The following FADS1 variants were observed in gnomAD, a reference collection of about 807,000 sequenced individuals.
The protein encoded by FADS1 is acyl-CoA (8-3)-desaturase.
A neutral mutation model predicts 61.6 loss-of-function variants in FADS1; 17 were observed. The ratio of observed to expected loss-of-function variants is 0.28; its 90% CI spans 0.19 to 0.41. FADS1 has a LOEUF of 0.41. FADS1 is among the 10% of genes least tolerant of loss of function. The pLI is 1.00. For missense variants in FADS1, 387 were observed against 650.9 expected, an observed-to-expected ratio of 0.59 and a Z score of 4.41; for synonymous variants, 238 against 258.7, an observed-to-expected ratio of 0.92 and a Z score of 0.77.
chr11:61,816,569 C>T lies in FADS1; in HGVS notation c.361G>A (p.Gly121Arg). 6.2e-7 allele frequency: 1 copy of T among 1,607,328 alleles called. No homozygotes were observed. Among genetic ancestry groups the T allele is most frequent in the Non-Finnish European group, 8.5e-7 (1 of 1,177,712 alleles). The change falls in exon 1 of 12, where the codon GGG becomes AGG. Residue 121 changes from glycine (G) to arginine (R), a missense_variant. Physicochemically the swap from Gly to Arg is moderately radical, Grantham distance 125. This residue lies in a region of FADS1 where 257 missense variants were observed against 533.3 expected (regional missense o/e 0.48). Coordinates refer to ENST00000350997, the MANE Select transcript of FADS1 (RefSeq NM_013402.7). The surrounding 1 kb of genome is among the most constrained non-coding windows in gnomAD (Gnocchi z 7.0). ...GCTGCGCTCACCGTGGCATCCTGCC[C>T]GGCGTAGTGGCTGATGACCCGGGAG... is the stretch of plus-strand genomic sequence containing the variant. Reference protein sequence around the residue: ...GGSRVISHYAGQDATDPFVAF... With the variant: ...GGSRVISHYARQDATDPFVAF...
Position 61,816,556 on chromosome 11 carries a change from G to T in FADS1, c.374C>A (p.Thr125Lys). ...GTGCCCCCGCCTGGCTGCGCTCACC[G>T]TGGCATCCTGCCCGGCGTAGTGGCT... is the stretch of plus-strand genomic sequence containing the variant. ...VISHYAGQDA[T>K]DPFVAFHINK... is the part of the protein sequence containing the mutation. The change falls in exon 1 of 12, where the codon ACG becomes AAG. Residue 125 changes from threonine to lysine, a missense_variant and splice_region_variant. Thr to Lys is a moderately conservative substitution (Grantham distance 78). This residue lies in a region of FADS1 where 257 missense variants were observed against 533.3 expected (regional missense o/e 0.48). Transcript: ENST00000350997. This position sits in a 1 kb window ranked among gnomAD's most constrained non-coding sequence, Gnocchi z 7.0. 6.2e-7 allele frequency: 1 copy of T among 1,603,780 alleles called. No individual in the cohort carries two copies. The highest frequency in any genetic ancestry group is 8.5e-7 in the Non-Finnish European group (1 of 1,176,122).
At chr11:61,814,664 G>C (rs1326097078) in intron 1 of FADS1, 1 of 152,218 alleles carries the variant, frequency 6.6e-6, no homozygotes. Flanking sequence ...GCTGGCTGGG[G>C]TGGCCAGCTT....
intron 1 of FADS1, chr11:61,814,334 T>C (rs890416292): frequency 2.6e-5 from 4 of 152,366 alleles, no homozygotes; most frequent in African/African-American, 9.7e-5. Flanking sequence ...ATGGGAAGCA[T>C]TGGCTGAGGG....
Position 61,816,869 on chromosome 11 carries a change from T to A in FADS1, c.61A>T (p.Arg21Trp), listed in dbSNP as rs929374648. 3 of 1,478,100 alleles carry A rather than the reference T, an allele frequency of 2.0e-6. No homozygotes were observed. Among genetic ancestry groups the A allele is most frequent in the Non-Finnish European group, 2.7e-6 (3 of 1,125,230 alleles). The allele number at this position is 1,478,100 out of a possible 1,614,324, so 91.6% of individuals were successfully genotyped here. A position where few individuals can be genotyped will look rare whatever the true frequency, so the allele number is the denominator to read the frequency against. The stretch of plus-strand genomic sequence containing the variant: ...TGGCGCGCGCCCAGAGCCAGCCGCC[T>A]GCGCGCCGGGTTTTCAGCACCGCAG... ...LPCGAENPARRRLALGARQQI... is the reference protein window; with the variant it reads ...LPCGAENPARWRLALGARQQI... Residue 21 changes from arginine to tryptophan, a missense_variant, in exon 1 of 12, where the codon AGG becomes TGG. Arg to Trp is a moderately radical substitution (Grantham distance 101). This residue lies in a region of FADS1 where 130 missense variants were observed against 117.7 expected (regional missense o/e 1.10). Transcript: ENST00000350997. This position sits in a 1 kb window ranked among gnomAD's most constrained non-coding sequence, Gnocchi z 7.0.
At position 61,802,323 on chromosome 11, in the gene FADS1, A is replaced by C; in HGVS notation, c.*88T>G. 8.5e-7 allele frequency: 1 copy of C among 1,172,290 alleles called. No homozygotes were observed. The highest frequency in any genetic ancestry group is 1.2e-6 in the Non-Finnish European group (1 of 802,936). 72.6% of individuals were successfully genotyped at this position (1,172,290 alleles called of 1,614,324 possible). On this transcript the variant is annotated 3_prime_UTR_variant, in exon 12 of 12. Coordinates refer to ENST00000350997, the MANE Select transcript of FADS1 (RefSeq NM_013402.7). This position sits in a 1 kb window ranked among gnomAD's most constrained non-coding sequence, Gnocchi z 4.2. Reference sequence around the variant, plus strand: ...AAACCCAACCCCCTCTGAGTATTAAACTATAGTGGCATTGTCCCTCAAGCT... The same window carrying C: ...AAACCCAACCCCCTCTGAGTATTAACCTATAGTGGCATTGTCCCTCAAGCT...
At position 61,806,695 on chromosome 11, in the gene FADS1, C is replaced by T. The variant is rs1054304450; in HGVS notation, c.945G>A (p.Pro315=). 8 of 1,614,118 alleles carry T rather than the reference C, an allele frequency of 5.0e-6. No homozygotes were observed. The highest frequency in any genetic ancestry group is 2.7e-5 in the African/African-American group (2 of 75,046). ...ELGKQKKKYM[P]YNHQHKYFFL... is the part of the protein sequence containing the mutation. ...AGAAGTATTTGTGCTGGTGGTTGTA[C>T]GGCATATATTTTTTCTTCTGTTTCC... is the stretch of plus-strand genomic sequence containing the variant. Residue 315 remains proline (P), a synonymous_variant, in exon 6 of 12, where the codon CCG becomes CCA. Coordinates refer to ENST00000350997, the MANE Select transcript of FADS1 (RefSeq NM_013402.7).
At position 61,803,787 on chromosome 11, in the gene FADS1, G is replaced by C. The variant is rs765749390; in HGVS notation, c.1054-20C>G. 1.2e-5 allele frequency: 19 copies of C among 1,567,758 alleles called. No individual in the cohort carries two copies. The highest frequency in any genetic ancestry group is 1.7e-5 in the Non-Finnish European group (19 of 1,138,088). ...CAAGTCCTATAGTGAGAAAAGCAGC[G>C]AGCATAACAGTCACGAACAACTCTT... On this transcript the variant is annotated intron_variant, in intron 7 of 11. Transcript: ENST00000350997. The surrounding 1 kb of genome is among the most constrained non-coding windows in gnomAD (Gnocchi z 4.3).
chr11:61,807,263 T>G (rs953526870), intron 5 of FADS1, among the ~76,000 whole-genome samples: 7 of 152,180 alleles, frequency 4.6e-5, no homozygotes, highest in African/African-American at 1.7e-4. Flanking sequence ...AGATGGGGTT[T>G]CTCCATGTTG....
chr11:61,803,577 T>TG lies in FADS1; in HGVS notation c.1151+92dup. ...CCAAGCCAACTCCTGAAACACCCACTGTTACCCAAAGCCCCAGCACGGCCC... is the reference window on the plus strand; with the variant it reads ...CCAAGCCAACTCCTGAAACACCCACTGGTTACCCAAAGCCCCAGCACGGCCC... On this transcript the variant is annotated intron_variant, in intron 8 of 11. Coordinates refer to ENST00000350997, the MANE Select transcript of FADS1 (RefSeq NM_013402.7). This position sits in a 1 kb window ranked among gnomAD's most constrained non-coding sequence, Gnocchi z 4.3. The TG allele has an allele frequency of 1.5e-6, 2 of 1,363,474 alleles. No homozygotes were observed. The highest frequency in any genetic ancestry group is 2.3e-5 in the South Asian group (2 of 85,950). 84.5% of individuals were successfully genotyped at this position (1,363,474 alleles called of 1,614,324 possible).
In FADS1 at chr11:61,816,665, C is replaced by T. The variant is rs1416391743; in HGVS notation, c.265G>A (p.Glu89Lys). 1 of 1,597,610 alleles carries T rather than the reference C, an allele frequency of 6.3e-7. No homozygotes were observed. The highest frequency in any genetic ancestry group is 8.5e-7 in the Non-Finnish European group (1 of 1,172,944). ...CGGTCGATCACTAGCCACCGCTCCT[C>T]GCACCCTGAGCGCTGGGCCACCTCG... ...WDEVAQRSGC[E>K]ERWLVIDRKV... The change falls in exon 1 of 12, where the codon GAG becomes AAG. Residue 89 changes from glutamate to lysine, a missense_variant. Around this residue, in one of 2 missense-constraint regions of FADS1, gnomAD observed 257 missense variants for 533.3 expected, o/e 0.48. Coordinates refer to ENST00000350997, the MANE Select transcript of FADS1 (RefSeq NM_013402.7). The surrounding 1 kb of genome is among the most constrained non-coding windows in gnomAD (Gnocchi z 7.0).
chr11:61,804,889 C>T, intron 6 of FADS1, 128 bp from the exon 7 acceptor site: 1 of 778,122 alleles, frequency 1.3e-6, no homozygotes, highest in Non-Finnish European at 2.2e-6. Flanking sequence ...GTCTCCCCTC[C>T]AGGTGCTTGA....
intron 6 of FADS1, chr11:61,806,396 T>A: frequency 2.1e-6 from 1 of 467,868 alleles, no homozygotes; most frequent in Non-Finnish European, 3.9e-6. Flanking sequence ...AAGAGGCCCC[T>A]CTACACCCCA....
chr11:61,802,857 C>G lies in FADS1; in HGVS notation c.1398G>C (p.Lys466Asn). The G allele has an allele frequency of 3.1e-6, 5 of 1,614,222 alleles. No individual in the cohort carries two copies. The highest frequency in any genetic ancestry group is 4.2e-6 in the Non-Finnish European group (5 of 1,180,034). The stretch of plus-strand genomic sequence containing the variant: ...GCTTGGACTGGTACTCTATGCCATG[C>G]TTGGCACACAAGGACTGCACCAGGG... The part of the protein sequence containing the change: ...VAPLVQSLCA[K>N]HGIEYQSKPL... Residue 466 changes from lysine (K) to asparagine (N), a missense_variant, in exon 11 of 12, where the codon AAG becomes AAC. Physicochemically the swap from Lys to Asn is moderately conservative, Grantham distance 94. This residue lies in a region of FADS1 where 257 missense variants were observed against 533.3 expected (regional missense o/e 0.48). Coordinates refer to ENST00000350997, the MANE Select transcript of FADS1 (RefSeq NM_013402.7). The surrounding 1 kb of genome is among the most constrained non-coding windows in gnomAD (Gnocchi z 4.2).
Position 61,813,277 on chromosome 11 carries a change from G to T in FADS1, c.452C>A (p.Ser151Tyr), listed in dbSNP as rs760145498. The change falls in exon 2 of 12, where the codon TCT becomes TAT. Residue 151 changes from serine (S) to tyrosine (Y), a missense_variant. By Grantham distance (144) the Ser-to-Tyr change is moderately radical. Transcript: ENST00000350997. ...GGGCTCAAAGCTGGGCTGCTCTGGA[G>T]ACAGTTCTCCAATCAGGAGAGAGTT... ...YMNSLLIGELSPEQPSFEPTK... is the reference protein window; with the variant it reads ...YMNSLLIGELYPEQPSFEPTK... The T allele has an allele frequency of 1.9e-6, 3 of 1,613,064 alleles. No individual in the cohort carries two copies. The South Asian group carries it at 3.3e-5, about 18-fold the overall frequency.
chr11:61,813,144 T>C (rs1591154467), intron 2 of FADS1, 99 bp downstream of exon 2: 1 of 794,992 alleles, frequency 1.3e-6, no homozygotes, highest in East Asian at 2.4e-5. Flanking sequence ...CTACTGACTG[T>C]GATTACTATG....
At chr11:61,813,416 G>T in intron 1 of FADS1, 63 bp from the exon 2 acceptor site, 2 of 924,132 alleles carry the variant, frequency 2.2e-6, no homozygotes, top group Non-Finnish European at 3.5e-6. Flanking sequence ...GGCAGTGTTC[G>T]CACCAAAGGC....
In FADS1 at chr11:61,803,211, T is replaced by G. The variant is rs1473561840; in HGVS notation, c.1249-100A>C. On this transcript the variant is annotated intron_variant, in intron 9 of 11. Coordinates refer to ENST00000350997, the MANE Select transcript of FADS1 (RefSeq NM_013402.7). This position sits in a 1 kb window ranked among gnomAD's most constrained non-coding sequence, Gnocchi z 4.3. ...TGGCTGAGGAAGGGACATGAGACTG[T>G]CTTGGTCACTCCCTTCACATGGTTG... 1 of 1,274,792 alleles carries G rather than the reference T, an allele frequency of 7.8e-7. No homozygotes were observed. The highest frequency in any genetic ancestry group is 1.1e-6 in the Non-Finnish European group (1 of 876,644). 79.0% of individuals were successfully genotyped at this position (1,274,792 alleles called of 1,614,324 possible). A position where few individuals can be genotyped will look rare whatever the true frequency, so the allele number is the denominator to read the frequency against.
chr11:61,813,966 CAAAAAAA>C (rs35779607), intron 1 of FADS1, among the ~76,000 whole-genome samples: 1 of 80,694 alleles, frequency 1.2e-5, no homozygotes, highest in African/African-American at 7.5e-5. Flanking sequence ...GACTCCGTCT[CAAAAAAA>C]AAAAAAAAAA....
rs147597372 is a variant in FADS1 at position 61,816,216 on chromosome 11, T to C, written c.375+339A>G. ...CAGGCGGCCTGCATCCTTGCTCTCC[T>C]CCCTCCTAGCCTACCCAGCTCGGGG... On this transcript the variant is annotated intron_variant, in intron 1 of 11. Coordinates refer to ENST00000350997, the MANE Select transcript of FADS1 (RefSeq NM_013402.7). This position sits in a 1 kb window ranked among gnomAD's most constrained non-coding sequence, Gnocchi z 7.0. The C allele has an allele frequency of 5.1e-6, 8 of 1,575,574 alleles. No homozygotes were observed. The African/African-American group carries it at 8.1e-5, about 16-fold the overall frequency.
Sources: gnomAD v4.1 joint callset for allele counts (sites outside exome capture counted in the v4.1 genomes callset) on GRCh38, gnomAD v4.1.1 for gene constraint, gnomAD v4.1.1 regional missense constraint, Gnocchi (gnomAD v3.1) non-coding constraint, MANE v1.5 for transcripts, NCBI Gene and HGNC (gene_info 2026-07-23, HGNC 2026-07-21) for gene names.